Variants in RPTOR observed in about 807,000 individuals in gnomAD.
RPTOR encodes the protein regulatory associated protein of MTOR complex 1, also known as regulatory-associated protein of mTOR.
A neutral mutation model predicts 169.9 loss-of-function variants in RPTOR; 21 were observed. That is an observed-to-expected ratio of 0.12 (90% CI 0.09 to 0.18). The LOEUF is 0.18. RPTOR is among the 10% of genes least tolerant of loss of function. RPTOR has a pLI of 1.00. For missense variants in RPTOR, 1,133 were observed against 1,855.9 expected, an observed-to-expected ratio of 0.61 and a Z score of 7.16; for synonymous variants, 732 against 753.2, an observed-to-expected ratio of 0.97 and a Z score of 0.46.
intron 3 of RPTOR, among the ~76,000 whole-genome samples, chr17:80,645,282 CTA>C (rs2065586047): frequency 6.6e-6 from 1 of 152,150 alleles, no homozygotes; most frequent in Admixed American, 6.5e-5. Flanking sequence ...TTAACCAACA[CTA>C]TGGGAATTCA....
intron 7 of RPTOR, among the ~76,000 whole-genome samples, chr17:80,799,197 C>G (rs9897026): frequency 0.11 from 17,206 of 152,226 alleles, 1,493 homozygotes; most frequent in African/African-American, 0.25. Context: ...TAAGACCAGG[C>G]AGAAACAGGC....
At chr17:80,665,692 C>G (rs1202748077) in intron 3 of RPTOR, among the ~76,000 whole-genome samples, 1 of 151,410 alleles carries the variant, frequency 6.6e-6, no homozygotes, top group African/African-American at 2.4e-5. Context: ...CTACAGGCGC[C>G]CGCCACCATG....
At chr17:80,822,524 G>T (rs938822502) in intron 8 of RPTOR, among the ~76,000 whole-genome samples, 2 of 152,222 alleles carry the variant, frequency 1.3e-5, no homozygotes, top group African/African-American at 4.8e-5. Flanking sequence ...GAGAGACTGC[G>T]TGTCAGCGCT....
At chr17:80,770,953 G>C (rs2066837197) in intron 6 of RPTOR, among the ~76,000 whole-genome samples, 1 of 152,220 alleles carries the variant, frequency 6.6e-6, no homozygotes, top group Admixed American at 6.5e-5. Context: ...AGCGTGTGCT[G>C]CCTCTCCTGG....
At chr17:80,900,740 ACT>A (rs1246160804) in intron 20 of RPTOR, among the ~76,000 whole-genome samples, 6 of 151,992 alleles carry the variant, frequency 3.9e-5, no homozygotes, top group African/African-American at 1.4e-4. Context: ...TTCTCGGTTC[ACT>A]CTCGTCCCTC....
intron 9 of RPTOR, among the ~76,000 whole-genome samples, chr17:80,837,090 C>T (rs776707123): frequency 2.1e-4 from 32 of 152,146 alleles, no homozygotes; most frequent in Non-Finnish European, 3.5e-4. Context: ...TCACGTTCAC[C>T]GTGACGGGAA....
At chr17:80,810,527 A>G (rs2067262823) in intron 7 of RPTOR, among the ~76,000 whole-genome samples, 1 of 152,254 alleles carries the variant, frequency 6.6e-6, no homozygotes, top group Non-Finnish European at 1.5e-5. Context: ...GGAATACCAC[A>G]TTACCTTGAT....
rs745483123 is a variant in RPTOR, at chr17:80,708,025, CCGTTTCTGCCAAAAGCCATGCCAA to C, written c.507+27_507+50del. The C allele has an allele frequency of 4.4e-6, 7 of 1,602,878 alleles. No individual in the cohort carries two copies. The African/African-American group carries it at 5.4e-5, about 12-fold the overall frequency. On this transcript the variant is annotated intron_variant, in intron 4 of 33. Coordinates refer to ENST00000306801, the MANE Select transcript of RPTOR (RefSeq NM_020761.3). This position sits in a 1 kb window ranked among gnomAD's most constrained non-coding sequence, Gnocchi z 4.2. ...GTGGGTGTGCCTTCCAGCTTCCTTC[CCGTTTCTGCCAAAAGCCATGCCAA>C]TTGCGGTGGTCGGAGCAGGTCCTGC...
chr17:80,871,814 T>G lies in RPTOR; in HGVS notation c.1510-8601T>G, dbSNP rs534338060. Reference sequence around the variant, plus strand: ...TCTGGGATTTTTTAGTATTCCTTCTTTCAGTTTGCCCCTTCTTGAGCTAAC... The same window carrying G: ...TCTGGGATTTTTTAGTATTCCTTCTGTCAGTTTGCCCCTTCTTGAGCTAAC... On this transcript the variant is annotated intron_variant, in intron 13 of 33. Transcript: ENST00000306801. Among the ~76,000 whole-genome samples the G allele has an allele frequency of 3.3e-5, 5 of 152,358 alleles. No individual in the cohort carries two copies. In the East Asian group the frequency reaches 9.6e-4, roughly 29 times the overall value.
intron 6 of RPTOR, among the ~76,000 whole-genome samples, chr17:80,777,481 C>G (rs2066902648): frequency 6.6e-6 from 1 of 151,936 alleles, no homozygotes; most frequent in South Asian, 2.1e-4. Flanking sequence ...TCTCACTGTT[C>G]CGCTTTGCAT....
At chr17:80,653,696 G>C (rs1277555486) in intron 3 of RPTOR, among the ~76,000 whole-genome samples, 1 of 152,192 alleles carries the variant, frequency 6.6e-6, no homozygotes, top group Non-Finnish European at 1.5e-5. Flanking sequence ...GCGGCCCTGT[G>C]GGTCTCTGCT....
rs941200647 is a variant in RPTOR at position 80,931,984 on chromosome 17, G to A, written c.2919+6504G>A. 3.9e-5 allele frequency among the ~76,000 whole-genome samples: 6 copies of A among 152,118 alleles called. 1 individual carries two copies. The highest frequency in any genetic ancestry group is 4.1e-4 in the South Asian group (2 of 4,828). Reference sequence around the variant, plus strand: ...CTGGCAAAAACCCTCCCGAAACCCAGGCCCTGCTTGAAGCATGAGGTAGTG... The same window carrying A: ...CTGGCAAAAACCCTCCCGAAACCCAAGCCCTGCTTGAAGCATGAGGTAGTG... On this transcript the variant is annotated intron_variant, in intron 24 of 33. Coordinates refer to ENST00000306801, the MANE Select transcript of RPTOR (RefSeq NM_020761.3).
chr17:80,640,903 CG>C (rs1272355469), intron 2 of RPTOR, among the ~76,000 whole-genome samples: 7 of 152,232 alleles, frequency 4.6e-5, no homozygotes, highest in African/African-American at 1.7e-4. Flanking sequence ...AGATGACAGC[CG>C]CGGGCCGCGA....
intron 6 of RPTOR, among the ~76,000 whole-genome samples, chr17:80,790,974 C>T (rs1158111201): frequency 6.6e-6 from 1 of 152,178 alleles, no homozygotes; most frequent in Non-Finnish European, 1.5e-5. Context: ...CAGACATGAA[C>T]CCAGCTCTGA....
intron 7 of RPTOR, among the ~76,000 whole-genome samples, chr17:80,792,967 T>TA (rs1158447767): frequency 6.6e-6 from 1 of 151,792 alleles, no homozygotes; most frequent in Non-Finnish European, 1.5e-5. Flanking sequence ...CATCAAACTG[T>TA]AAAAAAATTT....
intron 5 of RPTOR, among the ~76,000 whole-genome samples, chr17:80,744,079 T>C (rs79315042): frequency 0.095 from 497 of 5,220 alleles, 55 homozygotes; most frequent in East Asian, 0.36. Context: ...ACTGTCCTGG[T>C]TACGAGCACA....
At chr17:80,890,635 G>A (rs2068310176) in intron 17 of RPTOR, among the ~76,000 whole-genome samples, 1 of 152,258 alleles carries the variant, frequency 6.6e-6, no homozygotes, top group Non-Finnish European at 1.5e-5. Flanking sequence ...GCAGGCTGAA[G>A]GGAAAGTAGA....
intron 1 of RPTOR, among the ~76,000 whole-genome samples, chr17:80,560,061 GA>G (rs2084460678): frequency 6.6e-6 from 1 of 152,186 alleles, no homozygotes; most frequent in Admixed American, 6.5e-5. Flanking sequence ...GGCCCTGTAG[GA>G]ATTTACATCT....
At chr17:80,685,924 G>A (rs770145395) in intron 3 of RPTOR, among the ~76,000 whole-genome samples, 23 of 151,758 alleles carry the variant, frequency 1.5e-4, no homozygotes, top group Non-Finnish European at 3.1e-4. Flanking sequence ...AGTCCTCAGA[G>A]CTCTTCTGAC....
Sources: allele counts gnomAD v4.1 joint callset (sites outside exome capture counted in the v4.1 genomes callset), GRCh38; gene constraint gnomAD v4.1.1; non-coding constraint Gnocchi (gnomAD v3.1); transcripts MANE v1.5; gene names NCBI Gene and HGNC (gene_info 2026-07-23, HGNC 2026-07-21).